The following QDPR variants were observed in gnomAD, a reference collection of about 807,000 sequenced individuals.
QDPR encodes dihydropteridine reductase.
A neutral mutation model predicts 31.7 loss-of-function variants in QDPR; 23 were observed. The observed-to-expected ratio is 0.73, with a 90% CI of 0.52 to 1.03. The LOEUF (loss-of-function observed/expected upper bound fraction) is 1.03, where lower values mean the gene tolerates loss of function less well. Ranked by LOEUF, QDPR falls within the 50% of genes least tolerant of loss-of-function variation. The pLI is 0.00. For synonymous variants in QDPR, 124 were observed against 124.7 expected (o/e 0.99, Z 0.03); for missense variants, 324 against 323.8 (o/e 1.00, Z 0.00).
At position 17,487,093 on chromosome 4, in the gene QDPR, CTT is replaced by C; in HGVS notation, c.*36_*37del. The C allele has an allele frequency of 6.5e-7, 1 of 1,550,218 alleles. No individual in the cohort carries two copies. The highest frequency in any genetic ancestry group is 8.9e-7 in the Non-Finnish European group (1 of 1,122,690). On this transcript the variant is annotated 3_prime_UTR_variant, in exon 7 of 7. Coordinates refer to ENST00000281243, the MANE Select transcript of QDPR (RefSeq NM_000320.3). ...AGGCCACACTGAGACAGGTTAGTGA[CTT>C]TTCTGGCAGGCCCCTCATAGGCACT...
chr4:17,508,309 C>A (rs147260776), intron 2 of QDPR, among the ~76,000 whole-genome samples: 5 of 152,154 alleles, frequency 3.3e-5, no homozygotes, highest in African/African-American at 1.2e-4. Context: ...CATTGGGGTG[C>A]ATGCCTGTAA....
In QDPR at chr4:17,511,964, G is replaced by A. The variant is rs2108999046; in HGVS notation, c.91C>T (p.Arg31Trp). The change falls in exon 1 of 7, where the codon CGG (arginine) becomes TGG (tryptophan). Residue 31 changes from arginine to tryptophan, a missense_variant. Coordinates refer to ENST00000281243, the MANE Select transcript of QDPR (RefSeq NM_000320.3). ...CGCAGCATTACCCAGTTGCGGGCCC[G>A]AAAAGCCTGCACGCATCGAGAACCC... ...ALGSRCVQAF[R>W]ARNWWVASVD... 8 of 1,610,898 alleles carry A rather than the reference G, an allele frequency of 5.0e-6. No individual in the cohort carries two copies. The highest frequency in any genetic ancestry group is 1.3e-5 in the African/African-American group (1 of 74,836).
chr4:17,490,873 T>C, intron 5 of QDPR, 128 bp from the exon 6 acceptor site: 2 of 706,410 alleles, frequency 2.8e-6, no homozygotes, highest in Non-Finnish European at 5.1e-6. Context: ...CTGAGGGTGC[T>C]ATTTACATGG....
intron 4 of QDPR, among the ~76,000 whole-genome samples, chr4:17,499,780 C>T (rs1577190547): frequency 6.6e-6 from 1 of 152,108 alleles, no homozygotes; most frequent in African/African-American, 2.4e-5. Context: ...ATTAGCCAGG[C>T]ATGGCAGTGT....
At chr4:17,487,442 G>A (rs1469264036) in intron 6 of QDPR, among the ~76,000 whole-genome samples, 1 of 151,824 alleles carries the variant, frequency 6.6e-6, no homozygotes, top group Non-Finnish European at 1.5e-5. Context: ...TTGAGGTCAG[G>A]AGTTCGAGAC....
intron 2 of QDPR, among the ~76,000 whole-genome samples, chr4:17,508,896 T>C (rs369363246): frequency 8.3e-4 from 126 of 152,288 alleles, no homozygotes; most frequent in African/African-American, 2.6e-3. Flanking sequence ...CGGTGGCTCA[T>C]GCCTGTAATC....
At chr4:17,488,379 A>G (rs1302788119) in intron 6 of QDPR, among the ~76,000 whole-genome samples, 1 of 152,192 alleles carries the variant, frequency 6.6e-6, no homozygotes, top group African/African-American at 2.4e-5. Flanking sequence ...GATGCAATTC[A>G]TTTATTTGGC....
rs1718815543 is a variant in QDPR at position 17,507,169 on chromosome 4, C to T, written c.198+2102G>A. ...ACTAAATGAAAAGCAGACCCACGTA[C>T]AGACCAAGTGGCACCTGAACTTATT... On this transcript the variant is annotated intron_variant, in intron 2 of 6. Coordinates refer to ENST00000281243, the MANE Select transcript of QDPR (RefSeq NM_000320.3). Among the ~76,000 whole-genome samples, 2 of 152,180 alleles carry T rather than the reference C, an allele frequency of 1.3e-5. 1 individual carries two copies. The highest frequency in any genetic ancestry group is 1.3e-4 in the Admixed American group (2 of 15,282).
intron 6 of QDPR, among the ~76,000 whole-genome samples, chr4:17,487,639 C>T (rs1233991436): frequency 6.6e-6 from 1 of 151,266 alleles, no homozygotes; most frequent in Admixed American, 6.6e-5. Flanking sequence ...GACTCCGTCT[C>T]ACAAAAAATA....
chr4:17,510,003 A>T (rs1163135096), intron 1 of QDPR: 1 of 455,984 alleles, frequency 2.2e-6, no homozygotes, highest in South Asian at 1.6e-5. Flanking sequence ...CACAGCAATA[A>T]ATAGGGGGAA....
chr4:17,502,930 C>T (rs866666010), intron 3 of QDPR, among the ~76,000 whole-genome samples: 1 of 152,202 alleles, frequency 6.6e-6, no homozygotes, highest in Admixed American at 6.5e-5. Flanking sequence ...CTGGCAGTTG[C>T]CATCTCAACC....
At chr4:17,502,850 C>T (rs1195485033) in intron 3 of QDPR, among the ~76,000 whole-genome samples, 1 of 152,160 alleles carries the variant, frequency 6.6e-6, no homozygotes, top group Non-Finnish European at 1.5e-5. Flanking sequence ...CACACAATAC[C>T]ACAATACCAC....
Position 17,504,455 on chromosome 4 carries a change from C to T in QDPR, c.219G>A (p.Lys73=). Residue 73 remains lysine (K), a synonymous_variant, in exon 3 of 7, where the codon AAG becomes AAA. Coordinates refer to ENST00000281243, the MANE Select transcript of QDPR (RefSeq NM_000320.3). ...CATCCACCTTCTCTTCACCCAAGAGCTTTCCAACCTCAGCAGTCACCTTCA... is the reference window on the plus strand; with the variant it reads ...CATCCACCTTCTCTTCACCCAAGAGTTTTCCAACCTCAGCAGTCACCTTCA... The part of the protein sequence containing the change: ...QADQVTAEVG[K]LLGEEKVDAI... The T allele has an allele frequency of 6.2e-7, 1 of 1,614,210 alleles. No individual in the cohort carries two copies.
intron 4 of QDPR, among the ~76,000 whole-genome samples, chr4:17,500,275 GA>G (rs11351628): frequency 0.22 from 33,033 of 152,046 alleles, 4,253 homozygotes; most frequent in Non-Finnish European, 0.29. Context: ...TTTTTTAAAA[GA>G]AGAGTTCAAC....
chr4:17,500,852 G>C (rs1327579770), intron 4 of QDPR, among the ~76,000 whole-genome samples: 5 of 152,200 alleles, frequency 3.3e-5, no homozygotes, highest in Non-Finnish European at 5.9e-5. Flanking sequence ...ACCCAGACAA[G>C]TTACTTAACT....
In QDPR at chr4:17,487,028, G is replaced by A. The variant is rs117036858; in HGVS notation, c.*103C>T. ...AGAGAAAAATAGGACTCATTATCTCGTACCACAAACAGGGGTTACAGAAAA... is the reference window on the plus strand; with the variant it reads ...AGAGAAAAATAGGACTCATTATCTCATACCACAAACAGGGGTTACAGAAAA... On this transcript the variant is annotated 3_prime_UTR_variant, in exon 7 of 7. Transcript: ENST00000281243. 4.6e-4 allele frequency: 410 copies of A among 888,250 alleles called. 3 individuals are homozygous for A. In the East Asian group the frequency reaches 8.1e-3, roughly 17 times the overall value. 55.0% of individuals were successfully genotyped at this position (888,250 alleles called of 1,614,324 possible). A position where few individuals can be genotyped will look rare whatever the true frequency, so the allele number is the denominator to read the frequency against.
At chr4:17,506,748 GGTC>G in intron 2 of QDPR, among the ~76,000 whole-genome samples, 1 of 152,286 alleles carries the variant, frequency 6.6e-6, no homozygotes, top group East Asian at 1.9e-4. Flanking sequence ...AATTCACTAA[GGTC>G]AATCTGTATG....
chr4:17,501,643 T>A, intron 4 of QDPR, 76 bp downstream of exon 4: 4 of 1,553,768 alleles, frequency 2.6e-6, no homozygotes, highest in East Asian at 4.5e-5. Flanking sequence ...ACAGTCCTCA[T>A]CCCATGAAAG....
chr4:17,497,420 C>T (rs568352950), intron 4 of QDPR, among the ~76,000 whole-genome samples: 2 of 152,020 alleles, frequency 1.3e-5, no homozygotes, highest in African/African-American at 4.8e-5. Context: ...CTCACCCCCA[C>T]CAAGAGCACT....
Sources: allele counts gnomAD v4.1 joint callset (sites outside exome capture counted in the v4.1 genomes callset), GRCh38; gene constraint gnomAD v4.1.1; transcripts MANE v1.5; gene names NCBI Gene and HGNC (gene_info 2026-07-23, HGNC 2026-07-21).